The following CENATAC variants were observed in gnomAD, a reference collection of about 807,000 sequenced individuals.
CENATAC encodes the protein centrosomal AT-AC splicing factor.
CENATAC carries 53 observed loss-of-function variants against 53.7 expected under a neutral mutation model. That is an observed-to-expected ratio of 0.99 (90% CI 0.79 to 1.24). CENATAC has a LOEUF of 1.24. Among genes scored for constraint, CENATAC ranks in the 50% most tolerant of loss-of-function variants. The pLI, the probability that CENATAC is intolerant of heterozygous loss-of-function variation, is 0.00. For missense variants in CENATAC, 474 were observed against 417.8 expected (o/e 1.13, Z -1.17); for synonymous variants, 156 against 144.6 (o/e 1.08, Z -0.57).
At chr11:119,002,224 C>CAAAAAAAAAAAAAAAAAA in intron 3 of CENATAC, among the ~76,000 whole-genome samples, 1 of 49,536 alleles carries the variant, frequency 2.0e-5, no homozygotes, top group African/African-American at 7.3e-5. Context: ...AACTCTGTCT[C>CAAAAAAAAAAAAAAAAAA]AAAAAAAAAA....
intron 4 of CENATAC, among the ~76,000 whole-genome samples, 165 bp from the exon 5 acceptor site, chr11:119,011,056 T>A (rs1942845354): frequency 6.6e-6 from 1 of 152,196 alleles, no homozygotes; most frequent in Admixed American, 6.5e-5. Flanking sequence ...CCACCACTGA[T>A]CTGACAGGAG....
intron 3 of CENATAC, chr11:119,004,586 T>G (rs1261783707): frequency 1.3e-5 from 2 of 152,178 alleles, no homozygotes; most frequent in African/African-American, 4.8e-5. Flanking sequence ...CTGGATTAGC[T>G]GGGCATATAG....
chr11:119,015,166 C>CT, intron 9 of CENATAC, 83 bp downstream of exon 9: 1 of 1,450,362 alleles, frequency 6.9e-7, no homozygotes, highest in East Asian at 2.3e-5. Flanking sequence ...TGGCTCATGG[C>CT]TATAATCCTA....
In CENATAC at chr11:118,999,111, TGA is replaced by T. The variant is rs1253694515; in HGVS notation, c.383+4_383+5del. 6.2e-7 allele frequency: 1 copy of T among 1,605,616 alleles called. No individual in the cohort carries two copies. Among genetic ancestry groups the T allele is most frequent in the Admixed American group, 1.7e-5 (1 of 59,986 alleles). On this transcript the variant is annotated splice_donor_region_variant and intron_variant, in intron 3 of 10. Coordinates refer to ENST00000334418, the MANE Select transcript of CENATAC (RefSeq NM_198489.3). Reference sequence around the variant, plus strand: ...GGTCACTCCCCAGGATTATGCGCGGTGAGTCACTGGTATGGAACGTGAAGTAG... The same window carrying T: ...GGTCACTCCCCAGGATTATGCGCGGTGTCACTGGTATGGAACGTGAAGTAG...
intron 3 of CENATAC, chr11:119,005,747 G>A (rs1942556355): frequency 6.6e-6 from 1 of 151,866 alleles, no homozygotes; most frequent in Non-Finnish European, 1.5e-5. Flanking sequence ...TCTACAGAAA[G>A]TCTAGTTGTG....
intron 4 of CENATAC, 90 bp from the exon 5 acceptor site, chr11:119,011,131 T>TG: frequency 8.9e-7 from 1 of 1,125,294 alleles, no homozygotes. Context: ...GGTCCACGCC[T>TG]GGGGGTGGAG....
chr11:119,008,133 G>A (rs1475092962), intron 3 of CENATAC, among the ~76,000 whole-genome samples: 1 of 152,078 alleles, frequency 6.6e-6, no homozygotes, highest in South Asian at 2.1e-4. Context: ...CACACCTGTG[G>A]GTATTTCTAG....
At chr11:119,008,308 C>T (rs1942702215) in intron 3 of CENATAC, among the ~76,000 whole-genome samples, 1 of 152,128 alleles carries the variant, frequency 6.6e-6, no homozygotes, top group Admixed American at 6.6e-5. Flanking sequence ...ATTATTTCAG[C>T]AAAAAGGAAT....
chr11:119,015,200 A>T, intron 9 of CENATAC, 107 bp from the exon 10 acceptor site: 3 of 1,442,524 alleles, frequency 2.1e-6, no homozygotes, highest in Non-Finnish European at 2.9e-6. Context: ...CTGAGGTGGG[A>T]GGGTCACTTG....
In CENATAC at chr11:119,010,812, G is replaced by A; in HGVS notation, c.432G>A (p.Glu144=). Residue 144 remains glutamate, a synonymous_variant, in exon 4 of 11, where the codon GAG becomes GAA. Coordinates refer to ENST00000334418, the MANE Select transcript of CENATAC (RefSeq NM_198489.3). The part of the protein sequence containing the change: ...VKGLDSYEEK[E]DKVIKEMAAQ... Reference sequence around the variant, plus strand: ...GTTTGGATTCCTATGAAGAAAAGGAGGATAAAGTGATCAAGGAGGTAAGTT... The same window carrying A: ...GTTTGGATTCCTATGAAGAAAAGGAAGATAAAGTGATCAAGGAGGTAAGTT... The A allele has an allele frequency of 1.2e-6, 2 of 1,614,116 alleles. No individual in the cohort carries two copies. The highest frequency in any genetic ancestry group is 1.3e-5 in the African/African-American group (1 of 75,032).
intron 3 of CENATAC, chr11:119,005,029 T>G (rs1179908203): frequency 1.3e-5 from 2 of 150,632 alleles, no homozygotes; most frequent in African/African-American, 4.9e-5. Context: ...CACTGCACTC[T>G]AGCCTGGGCA....
intron 5 of CENATAC, among the ~76,000 whole-genome samples, 170 bp from the exon 6 acceptor site, chr11:119,011,769 T>C (rs529395214): frequency 3.6e-4 from 52 of 145,278 alleles, no homozygotes; most frequent in Admixed American, 3.2e-3. Flanking sequence ...TCAGTGAATA[T>C]GTGGACAGGA....
chr11:119,003,621 C>CTCTT (rs781831427), intron 3 of CENATAC: 11 of 129,084 alleles, frequency 8.5e-5, no homozygotes, highest in African/African-American at 2.5e-4. Context: ...ATTTCTCTCT[C>CTCTT]TTTTTTTTTT....
intron 3 of CENATAC, 73 bp from the exon 4 acceptor site, chr11:119,010,691 T>A: frequency 3.1e-6 from 4 of 1,310,448 alleles, no homozygotes; most frequent in Non-Finnish European, 4.3e-6. Flanking sequence ...ATTAAAAAAA[T>A]ATCTACTGAG....
intron 5 of CENATAC, 178 bp downstream of exon 5, chr11:119,011,461 C>A: frequency 3.6e-6 from 2 of 549,346 alleles, no homozygotes; most frequent in Non-Finnish European, 6.5e-6. Context: ...GCAACCTCCA[C>A]CTCCCAGGTT....
chr11:119,009,524 G>GTC (rs1942769719), intron 3 of CENATAC: 1 of 152,226 alleles, frequency 6.6e-6, no homozygotes, highest in Non-Finnish European at 1.5e-5. Context: ...CCTGGGAGTT[G>GTC]ATGAGAAACC....
rs1254389133 is a variant in CENATAC, at chr11:119,015,677, CATT to C, written c.*80_*82del. On this transcript the variant is annotated 3_prime_UTR_variant, in exon 11 of 11. Coordinates refer to ENST00000334418, the MANE Select transcript of CENATAC (RefSeq NM_198489.3). Reference sequence around the variant, plus strand: ...TTATACCTTCCACCAAATTCTTTATCATTGTCTTTCTTAGGAAACAGACATACT... The same window carrying C: ...TTATACCTTCCACCAAATTCTTTATCGTCTTTCTTAGGAAACAGACATACT... 4.5e-5 allele frequency: 65 copies of C among 1,446,140 alleles called. No individual in the cohort carries two copies. The highest frequency in any genetic ancestry group is 1.8e-4 in the Middle Eastern group (1 of 5,698). 89.6% of individuals were successfully genotyped at this position (1,446,140 alleles called of 1,614,324 possible).
At chr11:119,001,015 T>A (rs11825929) in intron 3 of CENATAC, among the ~76,000 whole-genome samples, 4,221 of 152,282 alleles carry the variant, frequency 0.028, 205 homozygotes, top group African/African-American at 0.096. Context: ...TTTCTTGTAA[T>A]GTCATGACTT....
intron 3 of CENATAC, among the ~76,000 whole-genome samples, chr11:118,999,860 T>C (rs571440030): frequency 2.0e-5 from 3 of 152,196 alleles, no homozygotes; most frequent in African/African-American, 7.2e-5. Flanking sequence ...GCCAGGATGG[T>C]CTCGATCTCC....
Sources: gnomAD v4.1 joint callset for allele counts (sites outside exome capture counted in the v4.1 genomes callset) on GRCh38, gnomAD v4.1.1 for gene constraint, MANE v1.5 for transcripts, NCBI Gene and HGNC (gene_info 2026-07-23, HGNC 2026-07-21) for gene names.